RDH11: variants seen among roughly 807,000 people sequenced by gnomAD.
RDH11 encodes the protein HCV core-binding protein HCBP12.
Under a neutral mutation model 33.4 loss-of-function variants are expected in RDH11, and 19 were observed. The observed-to-expected ratio is 0.57, with a 90% CI of 0.40 to 0.83. The LOEUF (loss-of-function observed/expected upper bound fraction) is 0.83. Among genes scored for constraint, RDH11 ranks in the 40% least tolerant of loss-of-function variants. RDH11 has a pLI of 0.00. For synonymous variants in RDH11, 154 were observed against 155.3 expected (o/e 0.99, Z 0.06); for missense variants, 353 against 389.0 (o/e 0.91, Z 0.78).
chr14:67,691,020 C>T (rs774652808), intron 4 of RDH11, 120 bp downstream of exon 4: 6 of 723,876 alleles, frequency 8.3e-6, no homozygotes, highest in Non-Finnish European at 1.5e-5. Flanking sequence ...CTATTATGCA[C>T]ACATGGTCTA....
rs751079666 is a variant in RDH11, at chr14:67,691,158, T to C, written c.436A>G (p.Ile146Val). 9.9e-6 allele frequency: 16 copies of C among 1,613,268 alleles called. No homozygotes were observed. The highest frequency in any genetic ancestry group is 5.1e-6 in the Non-Finnish European group (6 of 1,179,328). The change falls in exon 4 of 7, where the codon ATA (isoleucine) becomes GTA (valine). Residue 146 changes from isoleucine to valine, a missense_variant. Coordinates refer to ENST00000381346, the MANE Select transcript of RDH11 (RefSeq NM_016026.4). ...SKTADGFEMH[I>V]GVNHLGHFLL... The stretch of plus-strand genomic sequence containing the variant: ...TTCTTACCCAAGTGGTTGACTCCTA[T>C]GTGCATCTCAAAGCCATCTGCTGTC...
chr14:67,695,731 G>T lies in RDH11; in HGVS notation c.-28C>A, dbSNP rs760464790. ...CTGCCGGCTGCAGCGGCACCAGAGC[G>T]GGATGCTCCAGCGTTGCTCGCCGAC... On this transcript the variant is annotated 5_prime_UTR_variant, in exon 1 of 7. Coordinates refer to ENST00000381346, the MANE Select transcript of RDH11 (RefSeq NM_016026.4). 4.3e-4 allele frequency: 700 copies of T among 1,610,084 alleles called. 2 individuals are homozygous for T. Among genetic ancestry groups the T allele is most frequent in the Non-Finnish European group, 5.8e-4 (679 of 1,176,916 alleles).
chr14:67,679,318 T>A (rs2037583972), intron 6 of RDH11, among the ~76,000 whole-genome samples: 1 of 152,198 alleles, frequency 6.6e-6, no homozygotes, highest in Non-Finnish European at 1.5e-5. Flanking sequence ...AGGCTTAAGT[T>A]TCCAACATAT....
intron 3 of RDH11, chr14:67,692,021 A>G (rs867781091): frequency 1.9e-5 from 3 of 156,664 alleles, no homozygotes; most frequent in Non-Finnish European, 2.8e-5. Context: ...GCTGGTGGCC[A>G]GGATTTTTAT....
At position 67,677,363 on chromosome 14, in the gene RDH11, A is replaced by ATTTTTTTTTTTTTTTTTTTTTTTTT. The variant is rs71129846; in HGVS notation, c.*933_*957dup. On this transcript the variant is annotated 3_prime_UTR_variant, in exon 7 of 7. Coordinates refer to ENST00000381346, the MANE Select transcript of RDH11 (RefSeq NM_016026.4). ...TTTTTTTTGTTTGTTTGTTTTTAGG[A>ATTTTTTTTTTTTTTTTTTTTTTTTT]TTTTTTTTTTTTTTTTTTTTTTTTT... The ATTTTTTTTTTTTTTTTTTTTTTTTT allele has an allele frequency of 6.3e-5, 2 of 31,978 alleles. No homozygotes were observed. Among genetic ancestry groups the ATTTTTTTTTTTTTTTTTTTTTTTTT allele is most frequent in the Non-Finnish European group, 1.0e-4 (2 of 19,688 alleles). 2.0% of individuals were successfully genotyped at this position (31,978 alleles called of 1,614,324 possible).
rs571508540 is a variant in RDH11, at chr14:67,678,803, C to T, written c.855-380G>A. The stretch of plus-strand genomic sequence containing the variant: ...TGGACAATGTCATATAGCTGAGATC[C>T]TGCTATTCACATTGGTCAGAGATGC... On this transcript the variant is annotated intron_variant, in intron 6 of 6. Transcript: ENST00000381346. Among the ~76,000 whole-genome samples, 11 of 151,770 alleles carry T rather than the reference C, an allele frequency of 7.2e-5. No homozygotes were observed. The East Asian group carries it at 1.9e-3, about 27-fold the overall frequency.
At position 67,678,365 on chromosome 14, in the gene RDH11, G is replaced by A; in HGVS notation, c.913C>T (p.Leu305=). The part of the protein sequence containing the change: ...QARNETIARR[L]WDVSCDLLGL... Reference sequence around the variant, plus strand: ...AGCAGGTCACAACTGACGTCCCACAGCCGCCTTGCTATAGTCTCATTACGA... The same window carrying A: ...AGCAGGTCACAACTGACGTCCCACAACCGCCTTGCTATAGTCTCATTACGA... Residue 305 remains leucine, a synonymous_variant, in exon 7 of 7, where the codon CTG becomes TTG. Transcript: ENST00000381346. 1.2e-6 allele frequency: 2 copies of A among 1,614,046 alleles called. No individual in the cohort carries two copies. The highest frequency in any genetic ancestry group is 2.2e-5 in the South Asian group (2 of 91,082).
chr14:67,682,991 A>C lies in RDH11; in HGVS notation c.854+2024T>G, dbSNP rs142049247. On this transcript the variant is annotated intron_variant, in intron 6 of 6. Coordinates refer to ENST00000381346, the MANE Select transcript of RDH11 (RefSeq NM_016026.4). ...AGAAGTCAGTCACAAAAGGCCACAT[A>C]CCATATGATTCCATTTATATGAAAT... 5.4e-3 allele frequency among the ~76,000 whole-genome samples: 823 copies of C among 152,350 alleles called. 20 individuals carry two copies. The highest frequency in any genetic ancestry group is 0.04 in the Admixed American group (607 of 15,302).
At chr14:67,687,391 G>A (rs907753699) in intron 5 of RDH11, among the ~76,000 whole-genome samples, 6 of 148,026 alleles carry the variant, frequency 4.1e-5, no homozygotes, top group Admixed American at 6.7e-5. Flanking sequence ...GGTAACCTTC[G>A]CTGTTTCTCA....
At chr14:67,680,355 C>CA (rs2037599360) in intron 6 of RDH11, among the ~76,000 whole-genome samples, 2 of 152,176 alleles carry the variant, frequency 1.3e-5, no homozygotes, top group Non-Finnish European at 2.9e-5. Flanking sequence ...CTGCATCCTC[C>CA]ACTGCACTGT....
At chr14:67,688,576 A>G (rs924619299) in intron 5 of RDH11, among the ~76,000 whole-genome samples, 3 of 151,260 alleles carry the variant, frequency 2.0e-5, no homozygotes, top group Non-Finnish European at 4.4e-5. Context: ...TTAATTCTAC[A>G]TACTTCCATA....
At position 67,695,652 on chromosome 14, in the gene RDH11, ACAGAAGGAAGGG is replaced by A. The variant is rs1185755893; in HGVS notation, c.40_51del (p.Pro14_Leu17del). The A allele has an allele frequency of 1.2e-6, 2 of 1,614,168 alleles. No individual in the cohort carries two copies. The highest frequency in any genetic ancestry group is 2.2e-5 in the South Asian group (2 of 91,090). ...GACCTGATTTGGGGCGCAGCCATAT[ACAGAAGGAAGGG>A]CAGAAGGAGGAGCAACAGCGGGAAC... On this transcript the variant is annotated inframe_deletion, in exon 1 of 7. Coordinates refer to ENST00000381346, the MANE Select transcript of RDH11 (RefSeq NM_016026.4).
In RDH11 at chr14:67,693,870, C is replaced by G. The variant is rs535172899; in HGVS notation, c.75-818G>C. On this transcript the variant is annotated intron_variant, in intron 1 of 6. Coordinates refer to ENST00000381346, the MANE Select transcript of RDH11 (RefSeq NM_016026.4). ...TTCACCACGCTGGCCAGGATGGTCTCGAACTCCTGACCTCAGGTGATCCGC... is the reference window on the plus strand; with the variant it reads ...TTCACCACGCTGGCCAGGATGGTCTGGAACTCCTGACCTCAGGTGATCCGC... Among the ~76,000 whole-genome samples, 52 of 152,194 alleles carry G rather than the reference C, an allele frequency of 3.4e-4. 1 individual carries two copies. In the East Asian group the frequency reaches 9.8e-3, roughly 29 times the overall value.
chr14:67,695,056 C>A (rs2037811931), intron 1 of RDH11, among the ~76,000 whole-genome samples: 1 of 152,202 alleles, frequency 6.6e-6, no homozygotes, highest in Non-Finnish European at 1.5e-5. Context: ...ACTCAGATCC[C>A]CCGTGCTCCT....
rs1783174777 is a variant in RDH11, at chr14:67,676,960, T to C, written c.*1361A>G. On this transcript the variant is annotated 3_prime_UTR_variant, in exon 7 of 7. Coordinates refer to ENST00000381346, the MANE Select transcript of RDH11 (RefSeq NM_016026.4). ...CTATTATCAGAATTTTTCTAATTTT[T>C]CCGTAAAATGACCATTTCTAAACAT... is the stretch of plus-strand genomic sequence containing the variant. The C allele has an allele frequency of 6.6e-6, 1 of 152,254 alleles. No individual in the cohort carries two copies. Among genetic ancestry groups the C allele is most frequent in the Non-Finnish European group, 1.5e-5 (1 of 68,040 alleles). The allele number at this position is 152,254 out of a possible 1,614,324, so 9.4% of individuals were successfully genotyped here.
At chr14:67,687,392 C>T (rs758631811) in intron 5 of RDH11, among the ~76,000 whole-genome samples, 23 of 148,624 alleles carry the variant, frequency 1.5e-4, no homozygotes, top group Non-Finnish European at 3.2e-4. Flanking sequence ...GTAACCTTCG[C>T]TGTTTCTCAA....
rs201559802 is a variant in RDH11, at chr14:67,694,477, T to C, written c.74+1153A>G. 1.3e-3 allele frequency among the ~76,000 whole-genome samples: 190 copies of C among 142,894 alleles called. 2 individuals are homozygous for C. Among genetic ancestry groups the C allele is most frequent in the Middle Eastern group, 7.1e-3 (2 of 280 alleles). 93.7% of individuals were successfully genotyped at this position (142,894 alleles called of 152,430 possible). On this transcript the variant is annotated intron_variant, in intron 1 of 6. Transcript: ENST00000381346. The stretch of plus-strand genomic sequence containing the variant: ...ACACACACACACACATATATATATA[T>C]ACACACACACACATATATATATATA...
In RDH11 at chr14:67,684,355, T is replaced by C. The variant is rs74246592; in HGVS notation, c.854+660A>G. ...GCCTGGGATTTGCTTCAAAATAATA[T>C]GGGAGAAGAAAAATATGGAAAGGGG... On this transcript the variant is annotated intron_variant, in intron 6 of 6. Transcript: ENST00000381346. 3.3e-3 allele frequency among the ~76,000 whole-genome samples: 499 copies of C among 152,214 alleles called. 17 individuals are homozygous for C. In the East Asian group the frequency reaches 0.081, roughly 25 times the overall value.
intron 5 of RDH11, among the ~76,000 whole-genome samples, chr14:67,686,853 G>A (rs140647871): frequency 6.6e-6 from 1 of 152,116 alleles, no homozygotes; most frequent in South Asian, 2.1e-4. Flanking sequence ...GCTGCCAAAT[G>A]AGTTTTGGTG....
Sources: gnomAD v4.1 joint callset for allele counts (sites outside exome capture counted in the v4.1 genomes callset) on GRCh38, gnomAD v4.1.1 for gene constraint, MANE v1.5 for transcripts, NCBI Gene and HGNC (gene_info 2026-07-23, HGNC 2026-07-21) for gene names.